Variants in PCDH7 observed in about 807,000 individuals in gnomAD.
PCDH7 encodes the protein protocadherin 7.
PCDH7 carries 17 observed loss-of-function variants against 58.9 expected under a neutral mutation model. The observed-to-expected ratio is 0.29, with a 90% confidence interval of 0.20 to 0.43. The LOEUF (loss-of-function observed/expected upper bound fraction) is 0.43. Ranked by LOEUF, PCDH7 falls within the 20% of genes least tolerant of loss-of-function variation. The pLI, the probability that PCDH7 is intolerant of heterozygous loss-of-function variation, is 1.00. For synonymous variants in PCDH7, 664 were observed against 616.4 expected (o/e 1.08, Z -1.14); for missense variants, 1,274 against 1,441.0 (o/e 0.88, Z 1.88).
chr4:30,975,507 T>C (rs1319223961), intron 3 of PCDH7, among the ~76,000 whole-genome samples: 1 of 152,210 alleles, frequency 6.6e-6, no homozygotes, highest in African/African-American at 2.4e-5. Context: ...TTTTCAATTT[T>C]CAGCAGACAC....
intron 1 of PCDH7, among the ~76,000 whole-genome samples, chr4:30,840,022 G>A (rs1429918726): frequency 1.5e-5 from 2 of 133,192 alleles, no homozygotes; most frequent in Admixed American, 7.1e-5. Flanking sequence ...CAGTAGCAAT[G>A]ATGATGAGTG....
chr4:31,009,950 T>G (rs1753049662), intron 3 of PCDH7, among the ~76,000 whole-genome samples: 1 of 151,952 alleles, frequency 6.6e-6, no homozygotes, highest in South Asian at 2.1e-4. Flanking sequence ...GGAGCTTAGA[T>G]AAAACTGGCT....
chr4:31,051,899 A>G (rs1046108538), intron 3 of PCDH7, among the ~76,000 whole-genome samples: 1 of 152,012 alleles, frequency 6.6e-6, no homozygotes, highest in Non-Finnish European at 1.5e-5. Context: ...CAAATAATAG[A>G]TGTCCTCTAA....
intron 3 of PCDH7, among the ~76,000 whole-genome samples, chr4:30,996,691 G>A (rs1751928491): frequency 6.6e-6 from 1 of 152,146 alleles, no homozygotes; most frequent in South Asian, 2.1e-4. Flanking sequence ...TTATAGTATA[G>A]TTGATTAGAC....
chr4:30,956,912 A>G (rs1210799524), intron 3 of PCDH7, among the ~76,000 whole-genome samples: 1 of 152,224 alleles, frequency 6.6e-6, no homozygotes, highest in Admixed American at 6.5e-5. Flanking sequence ...TAGAAGAAAC[A>G]GAAAAACACT....
intron 1 of PCDH7, among the ~76,000 whole-genome samples, chr4:30,910,991 A>G (rs1441114645): frequency 1.3e-5 from 2 of 152,206 alleles, no homozygotes. Flanking sequence ...AAAAAGAATG[A>G]GTTCATGTTG....
At chr4:30,997,718 A>G (rs1041964749) in intron 3 of PCDH7, among the ~76,000 whole-genome samples, 14 of 152,162 alleles carry the variant, frequency 9.2e-5, no homozygotes, top group African/African-American at 3.4e-4. Context: ...TGGCATTAGC[A>G]TAGCGTGTTG....
chr4:30,904,348 C>T (rs1740631308), intron 1 of PCDH7, among the ~76,000 whole-genome samples: 1 of 152,088 alleles, frequency 6.6e-6, no homozygotes, highest in South Asian at 2.1e-4. Context: ...ATGCAGCCCA[C>T]TCCCTCCCTC....
At chr4:31,080,871 A>G (rs1759444599) in intron 3 of PCDH7, among the ~76,000 whole-genome samples, 1 of 152,174 alleles carries the variant, frequency 6.6e-6, no homozygotes, top group Non-Finnish European at 1.5e-5. Context: ...AGTTTTCTCC[A>G]TACTGTTCTT....
At chr4:31,107,874 T>A (rs1715779109) in intron 3 of PCDH7, among the ~76,000 whole-genome samples, 1 of 152,148 alleles carries the variant, frequency 6.6e-6, no homozygotes, top group African/African-American at 2.4e-5. Flanking sequence ...TTGTGGATAT[T>A]TATGATTAGA....
At chr4:31,078,440 G>A (rs189047806) in intron 3 of PCDH7, among the ~76,000 whole-genome samples, 2 of 151,508 alleles carry the variant, frequency 1.3e-5, no homozygotes, top group African/African-American at 4.8e-5. Context: ...ATGTCAATAT[G>A]CTTGGCTAAC....
At chr4:31,019,671 G>C (rs1160835059) in intron 3 of PCDH7, among the ~76,000 whole-genome samples, 1 of 150,532 alleles carries the variant, frequency 6.6e-6, no homozygotes, top group Non-Finnish European at 1.5e-5. Context: ...CCTGGGGACA[G>C]AGCGAGACTC....
intron 3 of PCDH7, among the ~76,000 whole-genome samples, chr4:31,013,619 A>ACACT (rs61017473): frequency 6.6e-6 from 1 of 151,340 alleles, no homozygotes; most frequent in Non-Finnish European, 1.5e-5. Context: ...ACACACACAC[A>ACACT]TATATCTGCA....
intron 3 of PCDH7, among the ~76,000 whole-genome samples, chr4:31,056,455 AAAG>A (rs751675683): frequency 0.4 from 33,712 of 84,770 alleles, 6,012 homozygotes; most frequent in East Asian, 0.67. Flanking sequence ...AGAAAGAAAG[AAAG>A]AAGAAAGAAA....
intron 3 of PCDH7, among the ~76,000 whole-genome samples, chr4:31,105,870 G>T (rs1338523223): frequency 1.3e-5 from 2 of 151,958 alleles, no homozygotes; most frequent in Non-Finnish European, 2.9e-5. Flanking sequence ...AGCTGGGCAT[G>T]GTGGCGGGCG....
rs377149092 is a variant in PCDH7 at position 31,142,519 on chromosome 4, T to C, written c.*54T>C. On this transcript the variant is annotated 3_prime_UTR_variant, in exon 4 of 4. Coordinates refer to the PCDH7 transcript ENST00000509759. ...TAGCCCTGACTGGGAAGTGCACTCG[T>C]GAGTGTGATGAGTATGGCCACTCAG... 1.4e-5 allele frequency: 19 copies of C among 1,367,752 alleles called. No individual in the cohort carries two copies. In the African/African-American group the frequency reaches 2.5e-4, roughly 18 times the overall value. 84.7% of individuals were successfully genotyped at this position (1,367,752 alleles called of 1,614,324 possible).
intron 2 of PCDH7, chr4:30,950,107 C>A (rs1223381890): frequency 6.6e-6 from 1 of 152,614 alleles, no homozygotes; most frequent in Non-Finnish European, 1.5e-5. Context: ...ATTTCCCCAT[C>A]TCCCTTCCCC....
chr4:30,919,528 C>T (rs2109414110), intron 1 of PCDH7, among the ~76,000 whole-genome samples: 1 of 152,234 alleles, frequency 6.6e-6, no homozygotes, highest in East Asian at 1.9e-4. Context: ...TTCCTACTCA[C>T]TGTTTAGGGA....
Position 30,929,818 on chromosome 4 carries a change from C to A in PCDH7, c.287+9449C>A, listed in dbSNP as rs564441928. On this transcript the variant is annotated intron_variant, in intron 2 of 3. Transcript: ENST00000509759. ...GGTTGCATTCCTCAGAACCCCAGTG[C>A]CCAATGCTGAATTGTGTCCATTGTT... Among the ~76,000 whole-genome samples the A allele has an allele frequency of 1.8e-4, 28 of 152,228 alleles. No individual in the cohort carries two copies. The South Asian group carries it at 5.0e-3, about 27-fold the overall frequency.
Sources: gnomAD v4.1 joint callset for allele counts (sites outside exome capture counted in the v4.1 genomes callset) on GRCh38, gnomAD v4.1.1 for gene constraint, MANE v1.5 for transcripts, NCBI Gene and HGNC (gene_info 2026-07-23, HGNC 2026-07-21) for gene names.